MARCHF1: variants seen among roughly 807,000 people sequenced by gnomAD.
MARCHF1 encodes the protein membrane associated ring-CH-type finger 1.
A neutral mutation model predicts 54.2 loss-of-function variants in MARCHF1; 40 were observed. The observed-to-expected ratio is 0.74, with a 90% CI of 0.57 to 0.96. The LOEUF is 0.96. MARCHF1 is among the 40% of genes least tolerant of loss of function. MARCHF1 has a pLI of 0.00. For synonymous variants in MARCHF1, 236 were observed against 236.3 expected (o/e 1.00, Z 0.01); for missense variants, 586 against 656.5 (o/e 0.89, Z 1.17).
intron 2 of MARCHF1, among the ~76,000 whole-genome samples, chr4:163,993,549 G>GCCAAGACAT (rs1560852506): frequency 6.6e-6 from 1 of 152,062 alleles, no homozygotes; most frequent in East Asian, 1.9e-4. Flanking sequence ...TTACAACATA[G>GCCAAGACAT]CCAAGACATT....
At chr4:163,538,308 TAAA>T (rs1297258854) in intron 9 of MARCHF1, among the ~76,000 whole-genome samples, 1 of 135,522 alleles carries the variant, frequency 7.4e-6, no homozygotes, top group African/African-American at 2.7e-5. Flanking sequence ...AAGGCAAAAA[TAAA>T]AAAGTAAAAT....
intron 4 of MARCHF1, among the ~76,000 whole-genome samples, chr4:163,731,584 GTCACAGAGC>G (rs1745832126): frequency 6.6e-6 from 1 of 152,206 alleles, no homozygotes; most frequent in Admixed American, 6.5e-5. Flanking sequence ...GAGGCTAGAT[GTCACAGAGC>G]TCAGTACCAG....
In MARCHF1 at chr4:163,551,530, G is replaced by T. The variant is rs187998282; in HGVS notation, c.1192-5787C>A. ...AGGAAACAACAAAGCCAGGTAGGTG[G>T]TAGGCAGCTGGTAAAGTTCACTAGT... On this transcript the variant is annotated intron_variant, in intron 8 of 9. Coordinates refer to ENST00000514618, the MANE Select transcript of MARCHF1 (RefSeq NM_001394959.1). Among the ~76,000 whole-genome samples the T allele has an allele frequency of 2.4e-4, 36 of 152,314 alleles. No homozygotes were observed. The East Asian group carries it at 6.6e-3, about 28-fold the overall frequency.
chr4:163,789,221 T>G (rs1472627189), intron 4 of MARCHF1, among the ~76,000 whole-genome samples: 1 of 152,038 alleles, frequency 6.6e-6, no homozygotes, highest in Non-Finnish European at 1.5e-5. Flanking sequence ...TTTTAAAACA[T>G]GCAAATACTG....
At chr4:164,032,133 G>C (rs1447566235) in intron 2 of MARCHF1, among the ~76,000 whole-genome samples, 1 of 152,140 alleles carries the variant, frequency 6.6e-6, no homozygotes, top group Admixed American at 6.6e-5. Context: ...GGTGTTTATT[G>C]TATTCTCTGA....
chr4:164,229,630 G>T (rs1269355682), intron 1 of MARCHF1, among the ~76,000 whole-genome samples: 1 of 152,138 alleles, frequency 6.6e-6, no homozygotes, highest in Non-Finnish European at 1.5e-5. Flanking sequence ...AAGAAAAGAG[G>T]TTTAATTGGC....
intron 3 of MARCHF1, among the ~76,000 whole-genome samples, chr4:163,971,023 G>A (rs976283199): frequency 2.6e-5 from 4 of 152,144 alleles, no homozygotes; most frequent in Non-Finnish European, 5.9e-5. Context: ...TCACTAGTTC[G>A]AAATAAGATT....
intron 8 of MARCHF1, among the ~76,000 whole-genome samples, chr4:163,570,946 C>T (rs1739824608): frequency 6.6e-6 from 1 of 152,064 alleles, no homozygotes; most frequent in South Asian, 2.1e-4. Context: ...TATCTGGTTC[C>T]TGATATAAAG....
intron 3 of MARCHF1, among the ~76,000 whole-genome samples, chr4:163,978,971 C>T (rs1318507732): frequency 2.0e-5 from 3 of 150,412 alleles, no homozygotes; most frequent in African/African-American, 4.9e-5. Context: ...CTCAAGTGAT[C>T]CTCACATCTT....
At chr4:163,924,973 T>C (rs1474310055) in intron 3 of MARCHF1, among the ~76,000 whole-genome samples, 3 of 151,776 alleles carry the variant, frequency 2.0e-5, no homozygotes, top group Non-Finnish European at 4.4e-5. Flanking sequence ...TCAGAGTGGC[T>C]TTTCTCATGA....
chr4:163,885,466 A>G (rs1455989247), intron 3 of MARCHF1, among the ~76,000 whole-genome samples: 1 of 152,190 alleles, frequency 6.6e-6, no homozygotes, highest in Non-Finnish European at 1.5e-5. Flanking sequence ...TATTAGGAAC[A>G]TTATAGGTAC....
At chr4:163,635,465 C>A (rs964733959) in intron 5 of MARCHF1, among the ~76,000 whole-genome samples, 4 of 148,922 alleles carry the variant, frequency 2.7e-5, no homozygotes, top group African/African-American at 1.0e-4. Context: ...ACTACAAACA[C>A]CTCTACACAA....
intron 2 of MARCHF1, among the ~76,000 whole-genome samples, chr4:164,076,621 G>T (rs1337153953): frequency 6.6e-6 from 1 of 152,170 alleles, no homozygotes; most frequent in African/African-American, 2.4e-5. Context: ...GGACATGATT[G>T]TATATTTAGA....
chr4:164,051,654 A>G (rs1054899878), intron 2 of MARCHF1, among the ~76,000 whole-genome samples: 3 of 152,216 alleles, frequency 2.0e-5, no homozygotes, highest in Non-Finnish European at 4.4e-5. Context: ...GAAGGTAGGT[A>G]ACTTTTCCAA....
intron 4 of MARCHF1, among the ~76,000 whole-genome samples, chr4:163,853,669 A>G (rs1749696964): frequency 6.6e-6 from 1 of 152,198 alleles, no homozygotes; most frequent in African/African-American, 2.4e-5. Flanking sequence ...TCATCTTTAG[A>G]TGACTCTGTA....
chr4:163,742,506 T>C (rs1054596157), intron 4 of MARCHF1, among the ~76,000 whole-genome samples: 2 of 151,724 alleles, frequency 1.3e-5, no homozygotes, highest in African/African-American at 2.4e-5. Context: ...AGACAGGGTA[T>C]CCTTCCATCA....
chr4:163,944,329 G>A (rs1751983805), intron 3 of MARCHF1, among the ~76,000 whole-genome samples: 1 of 152,116 alleles, frequency 6.6e-6, no homozygotes, highest in Non-Finnish European at 1.5e-5. Flanking sequence ...TGCAGTCAGT[G>A]TGGTCAGTAG....
intron 1 of MARCHF1, among the ~76,000 whole-genome samples, chr4:164,155,893 A>G (rs1560931084): frequency 6.6e-6 from 1 of 152,174 alleles, no homozygotes; most frequent in South Asian, 2.1e-4. Flanking sequence ...GTTTCTCCTC[A>G]TCTTACTTTC....
chr4:163,998,899 G>T (rs1753131310), intron 2 of MARCHF1, among the ~76,000 whole-genome samples: 1 of 151,708 alleles, frequency 6.6e-6, no homozygotes, highest in Admixed American at 6.6e-5. Flanking sequence ...ATTGTGAATA[G>T]TGCTGTAATA....
Sources: allele counts gnomAD v4.1 joint callset (sites outside exome capture counted in the v4.1 genomes callset), GRCh38; gene constraint gnomAD v4.1.1; transcripts MANE v1.5; gene names NCBI Gene and HGNC (gene_info 2026-07-23, HGNC 2026-07-21).